Variants in SPATA21 observed in about 807,000 individuals in gnomAD.
SPATA21 encodes spermatogenesis-associated protein 21.
SPATA21 carries 47 observed loss-of-function variants against 54.8 expected under a neutral mutation model. The observed-to-expected ratio is 0.86, with a 90% CI of 0.68 to 1.09. The LOEUF is 1.09. Ranked by LOEUF, SPATA21 falls within the 50% of genes least tolerant of loss-of-function variation. The pLI is 0.00. For missense variants in SPATA21, 599 were observed against 596.4 expected, an observed-to-expected ratio of 1.00 and a Z score of -0.05; for synonymous variants, 245 against 235.3, an observed-to-expected ratio of 1.04 and a Z score of -0.38.
In SPATA21 at chr1:16,422,020, C is replaced by T. The variant is rs761506878; in HGVS notation, c.35-49G>A. The T allele has an allele frequency of 1.9e-6, 3 of 1,613,918 alleles. No homozygotes were observed. The Admixed American group carries it at 5.0e-5, about 27-fold the overall frequency. On this transcript the variant is annotated intron_variant, in intron 3 of 12. Transcript: ENST00000335496. ...GGCATTGCTTCCTGAGAGCTGTCCC[C>T]ATGTCCCCCTGGGCTGGGCTCTGGC... is the stretch of plus-strand genomic sequence containing the variant.
At chr1:16,436,703 T>C (rs940923757) in intron 1 of SPATA21, among the ~76,000 whole-genome samples, 2 of 151,120 alleles carry the variant, frequency 1.3e-5, no homozygotes, top group African/African-American at 4.9e-5. Context: ...GAGATGGAGG[T>C]TGCAGTGAGC....
In SPATA21 at chr1:16,422,509, ATT is replaced by A. The variant is rs112533132; in HGVS notation, c.35-540_35-539del. ...AGGGTTTTCCTTTGTGTGTGTGTGT[ATT>A]TTTTTTTTTTTTTGAGACAAGTCTC... is the stretch of plus-strand genomic sequence containing the variant. On this transcript the variant is annotated intron_variant, in intron 3 of 12. Coordinates refer to ENST00000335496, the MANE Select transcript of SPATA21 (RefSeq NM_198546.1). Among the ~76,000 whole-genome samples, 468 of 142,808 alleles carry A rather than the reference ATT, an allele frequency of 3.3e-3. 3 individuals are homozygous for A. Among genetic ancestry groups the A allele is most frequent in the African/African-American group, 6.6e-3 (256 of 38,632 alleles). The allele number at this position is 142,808 out of a possible 152,430, so 93.7% of individuals were successfully genotyped here.
chr1:16,403,439 A>G (rs2085515756), intron 10 of SPATA21, among the ~76,000 whole-genome samples: 1 of 151,290 alleles, frequency 6.6e-6, no homozygotes, highest in Non-Finnish European at 1.5e-5. Context: ...GATTTGAGCC[A>G]TACATTCCCC....
intron 1 of SPATA21, among the ~76,000 whole-genome samples, chr1:16,436,656 C>T (rs1330171657): frequency 1.3e-5 from 2 of 150,854 alleles, no homozygotes; most frequent in African/African-American, 2.4e-5. Flanking sequence ...ATCCTAGGTA[C>T]TTGGGAGGCT....
downstream of SPATA21, chr1:16,396,988 C>G (rs1445344639): frequency 8.5e-5 from 13 of 152,286 alleles, no homozygotes; most frequent in Admixed American, 2.6e-4. Context: ...CTGCCCTAAC[C>G]AAGTGTCCAC....
intron 11 of SPATA21, 163 bp downstream of exon 11, chr1:16,400,557 G>C (rs948543536): frequency 5.6e-6 from 8 of 1,439,814 alleles, no homozygotes; most frequent in African/African-American, 1.4e-5. Context: ...GGAAAATAGT[G>C]ATTATCAGCC....
chr1:16,409,212 G>A lies in SPATA21; in HGVS notation c.588-9C>T. On this transcript the variant is annotated splice_polypyrimidine_tract_variant and intron_variant, in intron 6 of 12. Coordinates refer to ENST00000335496, the MANE Select transcript of SPATA21 (RefSeq NM_198546.1). This position sits in a 1 kb window ranked among gnomAD's most constrained non-coding sequence, Gnocchi z 4.1. ...GCTCTTCCGGCTCCTGCCTGCAGAG[G>A]ACAGAACCCCGACCCAGGGCAACAT... The A allele has an allele frequency of 6.2e-7, 1 of 1,613,984 alleles. No homozygotes were observed. The highest frequency in any genetic ancestry group is 1.7e-5 in the Admixed American group (1 of 60,012).
Position 16,409,832 on chromosome 1 carries a change from G to A in SPATA21, c.356C>T (p.Pro119Leu), listed in dbSNP as rs41269197. 0.056 allele frequency: 89,604 copies of A among 1,598,922 alleles called. 2,956 individuals are homozygous for A. The highest frequency in any genetic ancestry group is 0.065 in the Non-Finnish European group (75,819 of 1,173,330). Reference sequence around the variant, plus strand: ...CAGGCTTGGAGCTGAGGTGGGCACCGGGGTCAGGGTCCTGGGCGACTTCTG... The same window carrying A: ...CAGGCTTGGAGCTGAGGTGGGCACCAGGGTCAGGGTCCTGGGCGACTTCTG... Reference protein sequence around the residue: ...TAQKSPRTLTPVPTSAPSLPQ... With the variant: ...TAQKSPRTLTLVPTSAPSLPQ... Residue 119 changes from proline (P) to leucine (L), a missense_variant, in exon 6 of 13, where the codon CCG becomes CTG. Physicochemically the swap from Pro to Leu is moderately conservative, Grantham distance 98. Coordinates refer to ENST00000335496, the MANE Select transcript of SPATA21 (RefSeq NM_198546.1). This position sits in a 1 kb window ranked among gnomAD's most constrained non-coding sequence, Gnocchi z 4.1.
At position 16,420,377 on chromosome 1, in the gene SPATA21, C is replaced by T. The variant is rs12091241; in HGVS notation, c.144+1132G>A. The stretch of plus-strand genomic sequence containing the variant: ...GGGAGCAAGGAAAGACGGCTTTTGA[C>T]GCCAGGTATGTTTGTACACGCCTGT... On this transcript the variant is annotated intron_variant, in intron 5 of 12. Coordinates refer to ENST00000335496, the MANE Select transcript of SPATA21 (RefSeq NM_198546.1). Among the ~76,000 whole-genome samples, 358 of 151,840 alleles carry T rather than the reference C, an allele frequency of 2.4e-3. 1 individual carries two copies. The highest frequency in any genetic ancestry group is 3.7e-3 in the Non-Finnish European group (248 of 67,942).
intron 5 of SPATA21, among the ~76,000 whole-genome samples, chr1:16,420,825 T>A (rs77794685): frequency 0.044 from 6,685 of 152,008 alleles, 466 homozygotes; most frequent in African/African-American, 0.15. Flanking sequence ...AATGATGACC[T>A]GGAGCGGAGG....
chr1:16,396,992 T>A (rs74055658), downstream of SPATA21: 3,257 of 152,380 alleles, frequency 0.021, 119 homozygotes, highest in African/African-American at 0.073. Flanking sequence ...CCTAACCAAG[T>A]GTCCACATTC....
chr1:16,421,893 C>T lies in SPATA21; in HGVS notation c.95+18G>A. 1 of 1,614,206 alleles carries T rather than the reference C, an allele frequency of 6.2e-7. No homozygotes were observed. ...CATCCTTGTTGGGGGCAGGGGATGG[C>T]ACTGGATGATGACTTACCCTCCTTT... is the stretch of plus-strand genomic sequence containing the variant. On this transcript the variant is annotated intron_variant, in intron 4 of 12. Transcript: ENST00000335496. This position sits in a 1 kb window ranked among gnomAD's most constrained non-coding sequence, Gnocchi z 5.2.
At chr1:16,397,120 G>A (rs1570063367), downstream of SPATA21, 2 of 152,262 alleles carry the variant, frequency 1.3e-5, no homozygotes, top group Non-Finnish European at 2.9e-5. This position sits in a 1 kb window ranked among gnomAD's most constrained non-coding sequence, Gnocchi z 5.4. Flanking sequence ...AGTGCTGATT[G>A]CCCAGCCATT....
rs115286578 is a variant in SPATA21, at chr1:16,424,175, C to T, written c.35-2204G>A. On this transcript the variant is annotated intron_variant, in intron 3 of 12. Transcript: ENST00000335496. ...AAAATAAATCTTACCAGGCTGGGTG[C>T]GGTGGCTCACACCTGTAATCCCAGC... Among the ~76,000 whole-genome samples the T allele has an allele frequency of 6.7e-3, 291 of 43,634 alleles. 2 individuals are homozygous for T. Among genetic ancestry groups the T allele is most frequent in the African/African-American group, 0.02 (253 of 12,376 alleles). The allele number at this position is 43,634 out of a possible 152,430, so 28.6% of individuals were successfully genotyped here.
Position 16,399,462 on chromosome 1 carries a change from C to G in SPATA21, c.1234G>C (p.Asp412His), listed in dbSNP as rs1238372481. The G allele has an allele frequency of 6.2e-7, 1 of 1,613,434 alleles. No individual in the cohort carries two copies. The highest frequency in any genetic ancestry group is 8.5e-7 in the Non-Finnish European group (1 of 1,180,034). ...GGCTGCCTACGGACCATCTTCTTGT[C>G]CAGCTGTGGGCAGAGCAGGATGCAG... is the stretch of plus-strand genomic sequence containing the variant. ...VPCILLCPQLDKKMVRRQPSN... is the reference protein window; with the variant it reads ...VPCILLCPQLHKKMVRRQPSN... The change falls in exon 12 of 13, where the codon GAC becomes CAC. Residue 412 changes from aspartate to histidine, a missense_variant. Transcript: ENST00000335496.
intron 12 of SPATA21, 137 bp from the exon 13 acceptor site, chr1:16,398,959 G>A: frequency 1.1e-6 from 1 of 937,440 alleles, no homozygotes; most frequent in Non-Finnish European, 1.6e-6. Flanking sequence ...CAGCAGTTGT[G>A]CTTAGGGGCC....
intron 3 of SPATA21, among the ~76,000 whole-genome samples, chr1:16,424,220 G>GGTCAGGAGGTT (rs1279645180): frequency 5.8e-4 from 65 of 112,472 alleles, no homozygotes; most frequent in East Asian, 1.0e-3. Context: ...GGCTGAGGCA[G>GGTCAGGAGGTT]GAGAATGGCA....
At chr1:16,424,273 A>G (rs2086260631) in intron 3 of SPATA21, among the ~76,000 whole-genome samples, 4 of 74,826 alleles carry the variant, frequency 5.3e-5, no homozygotes, top group African/African-American at 1.1e-4. Context: ...AGATTGCGCC[A>G]CTGCACTCCA....
chr1:16,417,438 CTTTT>C (rs550527293), intron 5 of SPATA21, among the ~76,000 whole-genome samples: 4 of 124,770 alleles, frequency 3.2e-5, no homozygotes, highest in Admixed American at 1.6e-4. Context: ...TTTTTGTGGG[CTTTT>C]TTTTTTTTTT....
Sources: allele counts gnomAD v4.1 joint callset (sites outside exome capture counted in the v4.1 genomes callset), GRCh38; gene constraint gnomAD v4.1.1; non-coding constraint Gnocchi (gnomAD v3.1); transcripts MANE v1.5; gene names NCBI Gene and HGNC (gene_info 2026-07-23, HGNC 2026-07-21).